The following SSH1 variants were observed in gnomAD, a reference collection of about 807,000 sequenced individuals.
The protein encoded by SSH1 is slingshot protein phosphatase 1, also known as protein phosphatase Slingshot homolog 1.
In SSH1, 43 loss-of-function variants were observed where a neutral mutation model predicts 79.7. The ratio of observed to expected loss-of-function variants is 0.54; its 90% confidence interval spans 0.42 to 0.70. The LOEUF (loss-of-function observed/expected upper bound fraction) is 0.70. Among genes scored for constraint, SSH1 ranks in the 30% least tolerant of loss-of-function variants. The probability of loss-of-function intolerance (pLI) is 0.00; values close to 1 mark genes in which losing one functional copy is unlikely to be tolerated. For synonymous variants in SSH1, 599 were observed against 538.3 expected, an observed-to-expected ratio of 1.11 and a Z score of -1.56; for missense variants, 1,206 against 1,358.8, an observed-to-expected ratio of 0.89 and a Z score of 1.77.
chr12:108,809,456 C>CAA (rs200047288), intron 7 of SSH1, among the ~76,000 whole-genome samples: 128 of 114,170 alleles, frequency 1.1e-3, no homozygotes, highest in East Asian at 4.0e-3. Flanking sequence ...GACCCTGTCT[C>CAA]AAAAAAAAAA....
At chr12:108,798,113 C>A (rs538296625) in intron 13 of SSH1, among the ~76,000 whole-genome samples, 2 of 152,244 alleles carry the variant, frequency 1.3e-5, no homozygotes, top group Non-Finnish European at 2.9e-5. Flanking sequence ...CTCGCTCACC[C>A]CAGTTCCTGC....
Position 108,831,508 on chromosome 12 carries a change from G to A in SSH1, c.111-8147C>T, listed in dbSNP as rs1025354261. On this transcript the variant is annotated intron_variant, in intron 2 of 14. Coordinates refer to ENST00000326495, the MANE Select transcript of SSH1 (RefSeq NM_018984.4). ...CACAGACCACTCCACACCTGGTCTG[G>A]AGTGACACTGGAGGGCCAGGCAGGC... 5.3e-5 allele frequency among the ~76,000 whole-genome samples: 8 copies of A among 152,296 alleles called. No individual in the cohort carries two copies. The South Asian group carries it at 1.0e-3, about 20-fold the overall frequency.
intron 13 of SSH1, among the ~76,000 whole-genome samples, chr12:108,798,155 G>T (rs1046667197): frequency 6.6e-6 from 1 of 152,216 alleles, no homozygotes; most frequent in African/African-American, 2.4e-5. Context: ...CTCCCATGAG[G>T]GGTTGAGTGG....
At chr12:108,848,236 C>G (rs936346273) in intron 2 of SSH1, among the ~76,000 whole-genome samples, 1 of 152,100 alleles carries the variant, frequency 6.6e-6, no homozygotes, top group East Asian at 1.9e-4. Context: ...CCTGAAGAGG[C>G]GCCACCAGGG....
intron 1 of SSH1, among the ~76,000 whole-genome samples, chr12:108,856,105 G>T (rs1242287459): frequency 6.6e-6 from 1 of 152,224 alleles, no homozygotes; most frequent in Non-Finnish European, 1.5e-5. Flanking sequence ...GGAACTTCCT[G>T]GGCCTGGGAC....
chr12:108,801,800 T>C (rs1312474288), intron 11 of SSH1, among the ~76,000 whole-genome samples: 1 of 151,046 alleles, frequency 6.6e-6, no homozygotes, highest in African/African-American at 2.4e-5. Flanking sequence ...ACATTTTTCA[T>C]CCCTGCTGAG....
rs1298511832 is a variant in SSH1 at position 108,782,775 on chromosome 12, A to G, written c.*5213T>C. 1 of 152,252 alleles carries G rather than the reference A, an allele frequency of 6.6e-6. No homozygotes were observed. Among genetic ancestry groups the G allele is most frequent in the Non-Finnish European group, 1.5e-5 (1 of 68,044 alleles). The allele number at this position is 152,252 out of a possible 1,614,324, so 9.4% of individuals were successfully genotyped here. Reference sequence around the variant, plus strand: ...TACACACCAACAGAAGTAAAAAAAAAGTGCATTCTGCATCTTCTACTGCAA... The same window carrying G: ...TACACACCAACAGAAGTAAAAAAAAGGTGCATTCTGCATCTTCTACTGCAA... On this transcript the variant is annotated 3_prime_UTR_variant, in exon 15 of 15. Coordinates refer to ENST00000326495, the MANE Select transcript of SSH1 (RefSeq NM_018984.4).
chr12:108,816,903 T>C (rs950839756), intron 5 of SSH1, 135 bp downstream of exon 5: 4 of 1,349,784 alleles, frequency 3.0e-6, no homozygotes, highest in Non-Finnish European at 4.2e-6. Flanking sequence ...GTGTTCCCAG[T>C]GGCTCGACTC....
At chr12:108,810,098 C>A (rs118071374) in intron 6 of SSH1, among the ~76,000 whole-genome samples, 1 of 152,084 alleles carries the variant, frequency 6.6e-6, no homozygotes, top group East Asian at 1.9e-4. Flanking sequence ...CCCACAGGCC[C>A]GGCCGTTCCT....
intron 5 of SSH1, among the ~76,000 whole-genome samples, chr12:108,814,273 G>A (rs770950626): frequency 1.3e-5 from 2 of 151,766 alleles, no homozygotes; most frequent in African/African-American, 2.4e-5. Context: ...TGCAGGAGCC[G>A]CCATTCCAAT....
intron 12 of SSH1, among the ~76,000 whole-genome samples, chr12:108,800,147 T>C (rs1031221849): frequency 6.6e-6 from 1 of 152,098 alleles, no homozygotes; most frequent in African/African-American, 2.4e-5. Context: ...CAGAAGAGGG[T>C]GATTGTCTTG....
intron 3 of SSH1, among the ~76,000 whole-genome samples, chr12:108,821,530 A>G (rs2038120158): frequency 6.6e-6 from 1 of 152,158 alleles, no homozygotes; most frequent in African/African-American, 2.4e-5. Flanking sequence ...TAGGTATGTT[A>G]CACGCATAAC....
chr12:108,826,236 C>T (rs2038304315), intron 2 of SSH1: 3 of 438,714 alleles, frequency 6.8e-6, no homozygotes, highest in Admixed American at 5.5e-5. Context: ...ACAGACTAGG[C>T]TGGTTTCACT....
At chr12:108,823,529 C>T (rs2038204337) in intron 2 of SSH1, among the ~76,000 whole-genome samples, 168 bp from the exon 3 acceptor site, 1 of 152,200 alleles carries the variant, frequency 6.6e-6, no homozygotes, top group Non-Finnish European at 1.5e-5. Flanking sequence ...TCAAACCTTG[C>T]TTTTGCTAAA....
At chr12:108,808,469 G>A (rs544830496) in intron 7 of SSH1, among the ~76,000 whole-genome samples, 50 of 152,278 alleles carry the variant, frequency 3.3e-4, no homozygotes, top group African/African-American at 1.2e-3. Context: ...GGTGGTTCAC[G>A]GGTTATTTTA....
chr12:108,802,020 G>T (rs1453384462), intron 11 of SSH1, among the ~76,000 whole-genome samples: 1 of 152,200 alleles, frequency 6.6e-6, no homozygotes, highest in Non-Finnish European at 1.5e-5. Context: ...GTGGGGGTGA[G>T]GCAGCACAGA....
intron 3 of SSH1, 23 bp downstream of exon 3, chr12:108,823,235 G>T: frequency 1.3e-6 from 2 of 1,543,960 alleles, no homozygotes; most frequent in Non-Finnish European, 1.8e-6. Context: ...TCCAATGTAA[G>T]AGTATCAACT....
At chr12:108,817,597 C>T (rs1030803811) in intron 4 of SSH1, among the ~76,000 whole-genome samples, 1 of 152,096 alleles carries the variant, frequency 6.6e-6, no homozygotes, top group Non-Finnish European at 1.5e-5. Flanking sequence ...CACAACAAAA[C>T]ACAAAGCGGA....
At chr12:108,810,667 C>A (rs1242808207) in intron 6 of SSH1, among the ~76,000 whole-genome samples, 2 of 152,254 alleles carry the variant, frequency 1.3e-5, no homozygotes, top group Admixed American at 6.5e-5. Flanking sequence ...TGCTTAGAAT[C>A]CCCGTGTCAG....
Sources: gnomAD v4.1 joint callset for allele counts (sites outside exome capture counted in the v4.1 genomes callset) on GRCh38, gnomAD v4.1.1 for gene constraint, MANE v1.5 for transcripts, NCBI Gene and HGNC (gene_info 2026-07-23, HGNC 2026-07-21) for gene names.